Variants in RARB observed in about 807,000 individuals in gnomAD.
RARB encodes the protein retinoic acid receptor beta, also known as HBV-activated protein.
Under a neutral mutation model 51.9 loss-of-function variants are expected in RARB, and 17 were observed. That is an observed-to-expected ratio of 0.33 (90% CI 0.22 to 0.49). RARB has a LOEUF of 0.49. Ranked by LOEUF, RARB falls within the 20% of genes least tolerant of loss-of-function variation. RARB has a pLI of 0.99. For synonymous variants in RARB, 215 were observed against 195.4 expected (o/e 1.10, Z -0.84); for missense variants, 369 against 550.8 (o/e 0.67, Z 3.30).
intron 2 of RARB, among the ~76,000 whole-genome samples, chr3:25,047,989 T>C (rs1698252122): frequency 6.6e-6 from 1 of 152,210 alleles, no homozygotes; most frequent in South Asian, 2.1e-4. Flanking sequence ...TCTGATGGTT[T>C]CATAAATGGG....
intron 2 of RARB, among the ~76,000 whole-genome samples, chr3:24,874,743 T>G (rs1433172370): frequency 6.6e-6 from 1 of 152,024 alleles, no homozygotes; most frequent in Non-Finnish European, 1.5e-5. Context: ...GTCTTTAGTT[T>G]TACTTAATGT....
chr3:24,965,868 T>A (rs1339691229), intron 2 of RARB, among the ~76,000 whole-genome samples: 1 of 152,084 alleles, frequency 6.6e-6, no homozygotes, highest in Non-Finnish European at 1.5e-5. Flanking sequence ...ACTCTTCTGG[T>A]AAGGAATAAG....
chr3:25,280,079 C>T (rs577277950), intron 5 of RARB, among the ~76,000 whole-genome samples: 174 of 152,224 alleles, frequency 1.1e-3, no homozygotes, highest in Middle Eastern at 3.4e-3. Context: ...TTATGTGACA[C>T]AGGAGCCTTC....
intron 3 of RARB, among the ~76,000 whole-genome samples, chr3:25,079,174 A>G (rs1161727094): frequency 6.6e-6 from 1 of 151,888 alleles, no homozygotes; most frequent in Non-Finnish European, 1.5e-5. Flanking sequence ...TTTTATCTTA[A>G]TTTCTAATTA....
At chr3:24,851,604 G>A (rs905372596) in intron 1 of RARB, among the ~76,000 whole-genome samples, 1 of 152,084 alleles carries the variant, frequency 6.6e-6, no homozygotes, top group African/African-American at 2.4e-5. Context: ...CCAGAAACTG[G>A]CAATAAATGT....
intron 2 of RARB, among the ~76,000 whole-genome samples, chr3:24,951,651 T>C (rs927056474): frequency 6.6e-6 from 1 of 152,174 alleles, no homozygotes; most frequent in Non-Finnish European, 1.5e-5. Flanking sequence ...TCTAGAACAC[T>C]AGTCCAAAAG....
chr3:24,923,794 G>A (rs771916954), intron 2 of RARB, among the ~76,000 whole-genome samples: 1 of 152,162 alleles, frequency 6.6e-6, no homozygotes. Flanking sequence ...GACTGGTAGA[G>A]CTTGAAGAAA....
chr3:25,431,413 A>G (rs1368125498), intron 1 of RARB, among the ~76,000 whole-genome samples: 1 of 152,098 alleles, frequency 6.6e-6, no homozygotes, highest in Non-Finnish European at 1.5e-5. Context: ...GCCAGCTGCC[A>G]TTTGTAGTAG....
intron 1 of RARB, among the ~76,000 whole-genome samples, chr3:25,432,600 G>C (rs574332364): frequency 5.9e-4 from 90 of 152,208 alleles, no homozygotes; most frequent in African/African-American, 2.1e-3. Flanking sequence ...TTTCTCTAAA[G>C]CGTAAGAATA....
At chr3:25,202,625 G>A (rs992361981) in intron 5 of RARB, among the ~76,000 whole-genome samples, 1 of 152,098 alleles carries the variant, frequency 6.6e-6, no homozygotes, top group Non-Finnish European at 1.5e-5. Flanking sequence ...AGAGATTCTG[G>A]TATGTTGTGT....
intron 5 of RARB, among the ~76,000 whole-genome samples, chr3:25,260,764 C>A (rs1172019822): frequency 6.6e-6 from 1 of 152,144 alleles, no homozygotes; most frequent in Non-Finnish European, 1.5e-5. Flanking sequence ...CCTGATGTCA[C>A]CCATTCAGCC....
At chr3:25,546,444 C>T (rs777890864) in intron 3 of RARB, among the ~76,000 whole-genome samples, 9 of 152,108 alleles carry the variant, frequency 5.9e-5, no homozygotes, top group South Asian at 2.1e-4. Flanking sequence ...GAGCAGGGAG[C>T]GATGAGTGGT....
chr3:25,026,305 G>C (rs939949011), intron 2 of RARB, among the ~76,000 whole-genome samples: 1 of 152,140 alleles, frequency 6.6e-6, no homozygotes, highest in African/African-American at 2.4e-5. Flanking sequence ...TTAAACAATA[G>C]AAATTTATTT....
intron 4 of RARB, among the ~76,000 whole-genome samples, chr3:25,143,594 C>T (rs1043163176): frequency 6.6e-6 from 1 of 152,176 alleles, no homozygotes; most frequent in East Asian, 1.9e-4. Flanking sequence ...GAGATGCCCA[C>T]ACGGTGCCCT....
chr3:25,331,198 C>G (rs543246863), intron 5 of RARB, among the ~76,000 whole-genome samples: 1 of 152,280 alleles, frequency 6.6e-6, no homozygotes, highest in African/African-American at 2.4e-5. Flanking sequence ...ACAGAATTCT[C>G]CACCCCAAAT....
intron 5 of RARB, among the ~76,000 whole-genome samples, chr3:25,335,641 C>G (rs1299875348): frequency 6.6e-6 from 1 of 152,218 alleles, no homozygotes; most frequent in African/African-American, 2.4e-5. Context: ...ACTGAAAGGC[C>G]ACTGTGAGTT....
intron 2 of RARB, among the ~76,000 whole-genome samples, chr3:24,970,151 T>G (rs543694778): frequency 3.3e-4 from 50 of 152,208 alleles, no homozygotes; most frequent in African/African-American, 1.1e-3. Context: ...TAGCTGTGTT[T>G]CAATTAAACT....
intron 5 of RARB, among the ~76,000 whole-genome samples, chr3:25,212,893 A>G (rs912749640): frequency 1.3e-5 from 2 of 152,200 alleles, no homozygotes; most frequent in African/African-American, 4.8e-5. Context: ...CTTAATTACC[A>G]AAGGTCGCTC....
At chr3:24,962,841 AT>A (rs1205614299) in intron 2 of RARB, among the ~76,000 whole-genome samples, 2 of 152,258 alleles carry the variant, frequency 1.3e-5, no homozygotes, top group East Asian at 3.9e-4. Context: ...TTTTATGCCC[AT>A]TTTTATGTGT....
Sources: gnomAD v4.1 joint callset for allele counts (sites outside exome capture counted in the v4.1 genomes callset) on GRCh38, gnomAD v4.1.1 for gene constraint, MANE v1.5 for transcripts, NCBI Gene and HGNC (gene_info 2026-07-23, HGNC 2026-07-21) for gene names.